RPA3: variants seen among roughly 807,000 people sequenced by gnomAD.
RPA3 encodes replication protein A 14 kDa subunit.
Under a neutral mutation model 13.7 loss-of-function variants are expected in RPA3, and 24 were observed. That is an observed-to-expected ratio of 1.75 (90% CI 1.27 to 2.46). RPA3 has a LOEUF of 2.46. Ranked by LOEUF, RPA3 falls within the 30% of genes most tolerant of loss-of-function variation. The pLI, the probability that RPA3 is intolerant of heterozygous loss-of-function variation, is 0.00. For missense variants in RPA3, 183 were observed against 151.0 expected (o/e 1.21, Z -1.11); for synonymous variants, 59 against 51.2 (o/e 1.15, Z -0.65).
chr7:7,641,354 A>G (rs990944568), intron 4 of RPA3, 179 bp from the exon 5 acceptor site: 1 of 152,128 alleles, frequency 6.6e-6, no homozygotes, highest in African/African-American at 2.4e-5. Flanking sequence ...GACAAGCTTA[A>G]ATCGTTGTTA....
chr7:7,706,820 G>C (rs1780613495), intron 2 of RPA3, among the ~76,000 whole-genome samples: 1 of 152,118 alleles, frequency 6.6e-6, no homozygotes, highest in Non-Finnish European at 1.5e-5. Flanking sequence ...CATCCTATCT[G>C]TTGGTTTTGT....
intron 4 of RPA3, among the ~76,000 whole-genome samples, chr7:7,679,856 T>C (rs867927314): frequency 6.6e-6 from 1 of 151,648 alleles, no homozygotes; most frequent in African/African-American, 2.4e-5. Flanking sequence ...TGAGCTGCTA[T>C]GCCTGGCCTG....
chr7:7,652,821 T>G (rs575664427), intron 4 of RPA3, among the ~76,000 whole-genome samples: 105 of 152,348 alleles, frequency 6.9e-4, no homozygotes, highest in Non-Finnish European at 1.4e-3. Context: ...GATGATGCAG[T>G]CAGGCTATAT....
intron 2 of RPA3, among the ~76,000 whole-genome samples, chr7:7,688,483 C>T (rs2115133343): frequency 6.6e-6 from 1 of 152,148 alleles, no homozygotes; most frequent in East Asian, 1.9e-4. Flanking sequence ...CTGCCTTGCC[C>T]TCAGCCCCGT....
intron 4 of RPA3, among the ~76,000 whole-genome samples, chr7:7,679,700 A>G (rs13309848): frequency 4.6e-5 from 6 of 129,730 alleles, no homozygotes; most frequent in South Asian, 2.3e-4. Context: ...TATATATTTA[A>G]TTTATAGATA....
chr7:7,648,867 GA>G (rs113575166), intron 4 of RPA3, among the ~76,000 whole-genome samples: 1 of 141,522 alleles, frequency 7.1e-6, no homozygotes, highest in Non-Finnish European at 1.5e-5. Flanking sequence ...AAGAAAGAAA[GA>G]AAAAAAAAGG....
chr7:7,707,482 G>A (rs1411363289), intron 2 of RPA3, among the ~76,000 whole-genome samples: 1 of 152,094 alleles, frequency 6.6e-6, no homozygotes, highest in Non-Finnish European at 1.5e-5. Context: ...TTGGCAGTGG[G>A]AATGCCATAT....
intron 2 of RPA3, among the ~76,000 whole-genome samples, chr7:7,713,819 C>G (rs1780825441): frequency 6.6e-6 from 1 of 151,978 alleles, no homozygotes; most frequent in South Asian, 2.1e-4. Flanking sequence ...ACATTTTTCT[C>G]TTTTCAAAAA....
intron 4 of RPA3, among the ~76,000 whole-genome samples, chr7:7,659,176 C>T (rs1023144816): frequency 4.6e-5 from 7 of 151,974 alleles, no homozygotes; most frequent in African/African-American, 1.7e-4. Context: ...TTTATTGCAT[C>T]TATTTGATTC....
At chr7:7,692,723 C>T (rs1390167837) in intron 2 of RPA3, among the ~76,000 whole-genome samples, 1 of 152,126 alleles carries the variant, frequency 6.6e-6, no homozygotes, top group Admixed American at 6.5e-5. Flanking sequence ...GATTCTCCTG[C>T]CTCAGCCTCC....
At chr7:7,667,032 C>G (rs916044549) in intron 4 of RPA3, among the ~76,000 whole-genome samples, 1 of 152,184 alleles carries the variant, frequency 6.6e-6, no homozygotes, top group African/African-American at 2.4e-5. Context: ...AGGTCTCTAA[C>G]TCCTAACCTC....
At chr7:7,680,103 A>G (rs1368390710) in intron 4 of RPA3, among the ~76,000 whole-genome samples, 1 of 152,144 alleles carries the variant, frequency 6.6e-6, no homozygotes, top group Non-Finnish European at 1.5e-5. Context: ...GTATTACTCA[A>G]GAAATCTTTG....
intron 4 of RPA3, among the ~76,000 whole-genome samples, chr7:7,650,899 T>C (rs1785210286): frequency 6.6e-6 from 1 of 152,196 alleles, no homozygotes; most frequent in South Asian, 2.1e-4. Context: ...CCCCAACACT[T>C]TATTATAACC....
At position 7,706,657 on chromosome 7, in the gene RPA3, C is replaced by G. The variant is rs28912697; in HGVS notation, c.-1028+8518G>C. On this transcript the variant is annotated intron_variant, in intron 2 of 7. Transcript: ENST00000223129. Reference sequence around the variant, plus strand: ...ATAATAACTCATTTACATAAGAACTCTAAGAACTTAGTACTATTATTTCTA... The same window carrying G: ...ATAATAACTCATTTACATAAGAACTGTAAGAACTTAGTACTATTATTTCTA... Among the ~76,000 whole-genome samples, 31 of 152,188 alleles carry G rather than the reference C, an allele frequency of 2.0e-4. No homozygotes were observed. The East Asian group carries it at 5.6e-3, about 28-fold the overall frequency.
At chr7:7,710,832 A>G (rs985535247) in intron 2 of RPA3, among the ~76,000 whole-genome samples, 3 of 152,216 alleles carry the variant, frequency 2.0e-5, no homozygotes, top group African/African-American at 4.8e-5. Context: ...TGGTATATCT[A>G]TATCATGGAA....
intron 2 of RPA3, among the ~76,000 whole-genome samples, chr7:7,694,658 A>G (rs1201273159): frequency 2.0e-4 from 30 of 152,058 alleles, no homozygotes; most frequent in Admixed American, 1.2e-3. Flanking sequence ...TCTCTGCCTG[A>G]CTTATTTCAC....
intron 4 of RPA3, among the ~76,000 whole-genome samples, chr7:7,649,821 A>T (rs1472749798): frequency 3.3e-5 from 5 of 152,158 alleles, no homozygotes; most frequent in Non-Finnish European, 4.4e-5. Context: ...AAGGCCTTTG[A>T]GAGGGCACAT....
intron 2 of RPA3, among the ~76,000 whole-genome samples, chr7:7,706,207 A>C (rs1780594743): frequency 2.0e-5 from 3 of 152,264 alleles, no homozygotes; most frequent in Middle Eastern, 6.8e-3. Flanking sequence ...GTCCATGTTG[A>C]GTCAGAACAA....
intron 4 of RPA3, chr7:7,673,361 CAGCAGCAGCAAT>C (rs1779658093): frequency 5.6e-6 from 7 of 1,257,370 alleles, no homozygotes; most frequent in East Asian, 2.5e-5. Flanking sequence ...GCAGCAGCAG[CAGCAGCAGCAAT>C]GTTTCACTTC....
Sources: allele counts gnomAD v4.1 joint callset (sites outside exome capture counted in the v4.1 genomes callset), GRCh38; gene constraint gnomAD v4.1.1; transcripts MANE v1.5; gene names NCBI Gene and HGNC (gene_info 2026-07-23, HGNC 2026-07-21).